Variants in SCAPER observed in about 807,000 individuals in gnomAD.
SCAPER encodes the protein S-phase cyclin A associated protein in the ER, also known as S phase cyclin A-associated protein in the endoplasmic reticulum.
Under a neutral mutation model 182.2 loss-of-function variants are expected in SCAPER, and 98 were observed. The ratio of observed to expected loss-of-function variants is 0.54; its 90% CI spans 0.46 to 0.64. The LOEUF is 0.64. Ranked by LOEUF, SCAPER falls within the 30% of genes least tolerant of loss-of-function variation. The pLI is 0.00. For missense variants in SCAPER, 1,432 were observed against 1,690.0 expected (o/e 0.85, Z 2.68); for synonymous variants, 605 against 564.6 (o/e 1.07, Z -1.01).
At chr15:76,849,740 C>T (rs1012605157) in intron 4 of SCAPER, among the ~76,000 whole-genome samples, 7 of 152,324 alleles carry the variant, frequency 4.6e-5, no homozygotes, top group Admixed American at 2.6e-4. Flanking sequence ...ACCAAAAATA[C>T]GCTGCTGTGT....
In SCAPER at chr15:76,753,964, C is replaced by T. The variant is rs2151195376; in HGVS notation, c.1726-16G>A. 1 of 1,608,862 alleles carries T rather than the reference C, an allele frequency of 6.2e-7. No individual in the cohort carries two copies. The highest frequency in any genetic ancestry group is 8.5e-7 in the Non-Finnish European group (1 of 1,177,426). On this transcript the variant is annotated splice_polypyrimidine_tract_variant and intron_variant, in intron 14 of 31. Transcript: ENST00000563290. The stretch of plus-strand genomic sequence containing the variant: ...CATCCTTCTCCTACGTATAGTGAAT[C>T]ATCACATCCTTAATTTCAATATATA...
intron 5 of SCAPER, among the ~76,000 whole-genome samples, chr15:76,839,914 CATCA>C (rs752202766): frequency 6.6e-6 from 1 of 152,118 alleles, no homozygotes; most frequent in Non-Finnish European, 1.5e-5. Context: ...AATTTGATTT[CATCA>C]ATCAGTCATT....
intron 1 of SCAPER, among the ~76,000 whole-genome samples, chr15:76,891,002 A>C (rs1294291102): frequency 1.3e-5 from 2 of 152,328 alleles, no homozygotes; most frequent in East Asian, 3.9e-4. Flanking sequence ...CTGGGATGCA[A>C]GGCTGGTTCA....
At chr15:76,423,623 G>A (rs941754230) in intron 26 of SCAPER, among the ~76,000 whole-genome samples, 8 of 152,038 alleles carry the variant, frequency 5.3e-5, no homozygotes, top group African/African-American at 1.9e-4. Context: ...ATCTCCTTCA[G>A]TTCTGCTCTC....
chr15:76,448,160 G>T (rs962687091), intron 25 of SCAPER, among the ~76,000 whole-genome samples: 1 of 152,052 alleles, frequency 6.6e-6, no homozygotes, highest in Non-Finnish European at 1.5e-5. Flanking sequence ...GAGCATAAGG[G>T]GTAAGACAAT....
intron 21 of SCAPER, among the ~76,000 whole-genome samples, chr15:76,663,226 C>T (rs1351493337): frequency 1.3e-5 from 2 of 151,952 alleles, no homozygotes; most frequent in East Asian, 1.9e-4. Context: ...ATTAGAACAA[C>T]GAGATACCAC....
intron 10 of SCAPER, among the ~76,000 whole-genome samples, chr15:76,770,886 C>G (rs908378574): frequency 2.0e-5 from 3 of 152,190 alleles, no homozygotes; most frequent in Non-Finnish European, 4.4e-5. Flanking sequence ...TTAAAAGAAT[C>G]TAAACATTTG....
intron 5 of SCAPER, among the ~76,000 whole-genome samples, chr15:76,841,370 G>A (rs1247115725): frequency 6.6e-6 from 1 of 152,172 alleles, no homozygotes; most frequent in Non-Finnish European, 1.5e-5. Flanking sequence ...GTCAGGGCCA[G>A]GCACAGTGGC....
At chr15:76,728,828 T>C (rs779156145) in intron 16 of SCAPER, 91 bp from the exon 17 acceptor site, 100 of 1,364,256 alleles carry the variant, frequency 7.3e-5, no homozygotes, top group Non-Finnish European at 9.3e-5. Context: ...ACTTACATGT[T>C]CAAGCCAAGT....
At chr15:76,577,715 C>T (rs2047951633) in intron 22 of SCAPER, among the ~76,000 whole-genome samples, 1 of 152,122 alleles carries the variant, frequency 6.6e-6, no homozygotes. Flanking sequence ...GAAGCACTCG[C>T]CAAGGGCCTT....
intron 25 of SCAPER, among the ~76,000 whole-genome samples, chr15:76,456,592 C>T (rs284900): frequency 0.97 from 147,947 of 152,294 alleles, 71,996 homozygotes; most frequent in East Asian, 1. Flanking sequence ...GATCTACAAA[C>T]ATCAATTAGG....
In SCAPER at chr15:76,635,985, T is replaced by C. The variant is rs192937168; in HGVS notation, c.2646-14156A>G. ...ATTTTCTTGAGGAATACTGCACCTA[T>C]ATTCATAAGGGACATTGGTCTGAAG... On this transcript the variant is annotated intron_variant, in intron 21 of 31. Transcript: ENST00000563290. 7.9e-5 allele frequency among the ~76,000 whole-genome samples: 12 copies of C among 152,332 alleles called. No homozygotes were observed. The East Asian group carries it at 2.3e-3, about 29-fold the overall frequency.
In SCAPER at chr15:76,621,837, GA is replaced by G. The variant is rs749399553; in HGVS notation, c.2646-9del. On this transcript the variant is annotated splice_polypyrimidine_tract_variant and intron_variant, in intron 21 of 31. Transcript: ENST00000563290. The stretch of plus-strand genomic sequence containing the variant: ...CTCTCATATTCCTTAGCCCTGAAGA[GA>G]AAAAAAGTTTTAACACAGTTATTTC... 3.0e-5 allele frequency: 47 copies of G among 1,588,592 alleles called. No homozygotes were observed. The South Asian group carries it at 4.8e-4, about 16-fold the overall frequency.
chr15:76,355,237 A>G (rs756652376), intron 29 of SCAPER, among the ~76,000 whole-genome samples: 16 of 152,262 alleles, frequency 1.1e-4, no homozygotes, highest in Non-Finnish European at 2.1e-4. Flanking sequence ...CAAAATCAAC[A>G]AAGTAATAGT....
intron 5 of SCAPER, among the ~76,000 whole-genome samples, chr15:76,808,287 A>G (rs2066332373): frequency 6.6e-6 from 1 of 152,208 alleles, no homozygotes; most frequent in African/African-American, 2.4e-5. Flanking sequence ...AGAAGCCTCA[A>G]GGGGCTTATG....
At chr15:76,793,767 A>G (rs2065147425) in intron 8 of SCAPER, among the ~76,000 whole-genome samples, 4 of 152,212 alleles carry the variant, frequency 2.6e-5, no homozygotes, top group Admixed American at 6.5e-5. Context: ...TCCAAGAAGT[A>G]GGTAGTCGGA....
intron 20 of SCAPER, among the ~76,000 whole-genome samples, chr15:76,671,297 C>A (rs936048510): frequency 3.9e-5 from 6 of 152,172 alleles, no homozygotes; most frequent in Non-Finnish European, 8.8e-5. Context: ...TGCACCACTG[C>A]ATTCCAGTCT....
At chr15:76,875,975 G>C (rs910754492) in intron 2 of SCAPER, among the ~76,000 whole-genome samples, 3 of 152,102 alleles carry the variant, frequency 2.0e-5, no homozygotes, top group Non-Finnish European at 4.4e-5. Flanking sequence ...GCCCTGCCCC[G>C]CTGGGAGGCA....
chr15:76,546,007 C>T (rs1016053231), intron 23 of SCAPER, among the ~76,000 whole-genome samples: 5 of 152,102 alleles, frequency 3.3e-5, no homozygotes, highest in South Asian at 2.1e-4. Flanking sequence ...GATCAGCCAG[C>T]GGAAAGTCCT....
Sources: allele counts gnomAD v4.1 joint callset (sites outside exome capture counted in the v4.1 genomes callset), GRCh38; gene constraint gnomAD v4.1.1; transcripts MANE v1.5; gene names NCBI Gene and HGNC (gene_info 2026-07-23, HGNC 2026-07-21).